CASP4: variants seen among roughly 807,000 people sequenced by gnomAD.
CASP4 encodes the protein caspase-4.
CASP4 carries 29 observed loss-of-function variants against 41.3 expected under a neutral mutation model. The ratio of observed to expected loss-of-function variants is 0.70; its 90% CI spans 0.52 to 0.96. CASP4 has a LOEUF of 0.96. Among genes scored for constraint, CASP4 ranks in the 40% least tolerant of loss-of-function variants. The pLI is 0.00. For synonymous variants in CASP4, 185 were observed against 158.4 expected (o/e 1.17, Z -1.26); for missense variants, 447 against 460.6 (o/e 0.97, Z 0.27).
At chr11:104,949,851 C>T (rs893720094) in intron 4 of CASP4, 74 bp from the exon 5 acceptor site, 43 of 1,409,166 alleles carry the variant, frequency 3.1e-5, no homozygotes, top group Middle Eastern at 1.8e-4. Context: ...TTACCATGAG[C>T]GAAACAAGAA....
intron 3 of CASP4, chr11:104,951,398 G>A (rs1860609890): frequency 3.7e-6 from 1 of 271,404 alleles, no homozygotes; most frequent in East Asian, 7.4e-5. Context: ...TACAAAACGA[G>A]ATGTTGTCGT....
At chr11:104,946,243 T>G (rs1483911606) in intron 7 of CASP4, among the ~76,000 whole-genome samples, 4 of 152,202 alleles carry the variant, frequency 2.6e-5, no homozygotes, top group Non-Finnish European at 2.9e-5. Flanking sequence ...ATAATTATAC[T>G]ATTCTGTGTT....
chr11:104,947,286 A>G (rs1291229279), intron 6 of CASP4, 94 bp from the exon 7 acceptor site: 5 of 704,154 alleles, frequency 7.1e-6, no homozygotes, highest in East Asian at 2.7e-5. Context: ...AAAGAAAAGC[A>G]TAGCTTGGGA....
intron 4 of CASP4, 149 bp downstream of exon 4, chr11:104,950,776 G>T: frequency 4.1e-6 from 2 of 489,238 alleles, no homozygotes; most frequent in Non-Finnish European, 6.9e-6. Flanking sequence ...AGATTTACCA[G>T]TCTAGTACTC....
intron 5 of CASP4, chr11:104,949,114 A>G (rs1449581348): frequency 7.4e-6 from 2 of 270,426 alleles, no homozygotes; most frequent in Non-Finnish European, 1.4e-5. Flanking sequence ...CAGTCCCCTG[A>G]TCTCTTTACT....
At position 104,950,957 on chromosome 11, in the gene CASP4, TA is replaced by T. The variant is rs751286151; in HGVS notation, c.513del (p.Tyr171Ter). 2 of 1,613,144 alleles carry T rather than the reference TA, an allele frequency of 1.2e-6. No homozygotes were observed. Among genetic ancestry groups the T allele is most frequent in the Non-Finnish European group, 1.7e-6 (2 of 1,179,508 alleles). The stretch of plus-strand genomic sequence containing the variant: ...GTCAGATTCTCTTCTACATCTACAC[TA>T]TAGTCCAGACCCTCAAGTAGCTCCT... ...GMKELLEGLD[Y>X]SVDVEENLTA... On this transcript the variant is annotated frameshift_variant, in exon 4 of 9. Coordinates refer to ENST00000444739, the MANE Select transcript of CASP4 (RefSeq NM_001225.4). LOFTEE classifies it high-confidence loss of function.
At chr11:104,964,290 C>T (rs1336339650) in intron 1 of CASP4, among the ~76,000 whole-genome samples, 2 of 152,106 alleles carry the variant, frequency 1.3e-5, no homozygotes, top group Non-Finnish European at 2.9e-5. Flanking sequence ...AACAAAACTT[C>T]CAGGACTCTC....
At chr11:104,949,014 A>G (rs763582464) in intron 5 of CASP4, 4 of 202,588 alleles carry the variant, frequency 2.0e-5, no homozygotes, top group Non-Finnish European at 4.0e-5. Context: ...TTGGCCTCCC[A>G]AAGTGTTGGG....
At chr11:104,957,326 AT>A (rs1860758317) in intron 1 of CASP4, among the ~76,000 whole-genome samples, 1 of 152,180 alleles carries the variant, frequency 6.6e-6, no homozygotes, top group Non-Finnish European at 1.5e-5. Flanking sequence ...TTAGAAATCA[AT>A]TTAACCGAGT....
intron 4 of CASP4, among the ~76,000 whole-genome samples, chr11:104,950,685 A>G (rs1860586019): frequency 1.3e-5 from 2 of 152,104 alleles, no homozygotes; most frequent in African/African-American, 4.8e-5. Flanking sequence ...TTGGAATTCA[A>G]TAAGAAATGT....
intron 8 of CASP4, 178 bp downstream of exon 8, chr11:104,944,570 G>T: frequency 1.9e-6 from 1 of 540,414 alleles, no homozygotes; most frequent in South Asian, 2.4e-5. Flanking sequence ...TAATTGTAGA[G>T]TTGGAGGAAT....
intron 1 of CASP4, among the ~76,000 whole-genome samples, chr11:104,964,777 G>A (rs1860936394): frequency 1.3e-5 from 2 of 152,186 alleles, no homozygotes; most frequent in Admixed American, 1.3e-4. Context: ...CTTGAGAGGA[G>A]AGGAATTTAC....
chr11:104,953,231 A>G (rs1860657778), intron 2 of CASP4, among the ~76,000 whole-genome samples: 1 of 152,098 alleles, frequency 6.6e-6, no homozygotes, highest in African/African-American at 2.4e-5. Flanking sequence ...GTGTACCTAA[A>G]GTTTCCTGGG....
chr11:104,956,968 G>T (rs890206145), intron 1 of CASP4, among the ~76,000 whole-genome samples: 2 of 152,030 alleles, frequency 1.3e-5, no homozygotes, highest in Non-Finnish European at 2.9e-5. Flanking sequence ...ATACTCAATG[G>T]TGAAAAGTTG....
intron 1 of CASP4, among the ~76,000 whole-genome samples, chr11:104,964,601 TCTTCC>T (rs1304043226): frequency 2.6e-5 from 4 of 152,250 alleles, no homozygotes; most frequent in African/African-American, 9.6e-5. Flanking sequence ...GGAATGGCAC[TCTTCC>T]CTTAAAGAAT....
intron 1 of CASP4, 146 bp downstream of exon 1, chr11:104,968,373 A>G (rs539122154): frequency 2.8e-6 from 2 of 718,836 alleles, no homozygotes; most frequent in Admixed American, 2.1e-5. Flanking sequence ...ACCAGGTCCC[A>G]TGATTCAAAC....
chr11:104,944,195 T>C lies in CASP4; in HGVS notation c.*5+553A>G, dbSNP rs548355386. The C allele has an allele frequency of 4.4e-5, 7 of 157,998 alleles. No homozygotes were observed. The South Asian group carries it at 1.3e-3, about 29-fold the overall frequency. 9.8% of individuals were successfully genotyped at this position (157,998 alleles called of 1,614,324 possible). A position where few individuals can be genotyped will look rare whatever the true frequency, so the allele number is the denominator to read the frequency against. On this transcript the variant is annotated intron_variant, in intron 8 of 8. Transcript: ENST00000444739. ...ACTCTACAGTGTAGGATGTATTCTG[T>C]ACCATCTGGTAATGGTATCTGGATG... is the stretch of plus-strand genomic sequence containing the variant.
intron 1 of CASP4, among the ~76,000 whole-genome samples, chr11:104,957,251 C>T (rs1018985182): frequency 6.6e-6 from 1 of 152,072 alleles, no homozygotes; most frequent in African/African-American, 2.4e-5. Context: ...TGTAGTGTTT[C>T]TGTATAACAA....
chr11:104,965,521 A>T (rs1462793021), intron 1 of CASP4, among the ~76,000 whole-genome samples: 1 of 152,226 alleles, frequency 6.6e-6, no homozygotes, highest in East Asian at 1.9e-4. Context: ...TAACTGAGGT[A>T]ATTACGACAG....
Sources: gnomAD v4.1 joint callset for allele counts (sites outside exome capture counted in the v4.1 genomes callset) on GRCh38, gnomAD v4.1.1 for gene constraint, MANE v1.5 for transcripts, NCBI Gene and HGNC (gene_info 2026-07-23, HGNC 2026-07-21) for gene names.